NCAPH2: variants seen among roughly 807,000 people sequenced by gnomAD.
NCAPH2 encodes non-SMC condensin II complex subunit H2.
In NCAPH2, 56 loss-of-function variants were observed where a neutral mutation model predicts 88.6. The observed-to-expected ratio is 0.63, with a 90% CI of 0.51 to 0.79. The LOEUF (loss-of-function observed/expected upper bound fraction) is 0.79. Ranked by LOEUF, NCAPH2 falls within the 30% of genes least tolerant of loss-of-function variation. The pLI is 0.00. For synonymous variants in NCAPH2, 378 were observed against 313.6 expected, an observed-to-expected ratio of 1.21 and a Z score of -2.17; for missense variants, 794 against 792.0, an observed-to-expected ratio of 1.00 and a Z score of -0.03.
intron 8 of NCAPH2, 36 bp from the exon 9 acceptor site, chr22:50,519,154 T>C: frequency 6.5e-7 from 1 of 1,542,934 alleles, no homozygotes; most frequent in South Asian, 1.2e-5. Context: ...GTCTCGGCAC[T>C]CCTTGGAGCT....
chr22:50,518,519 C>T, intron 7 of NCAPH2, 130 bp from the exon 8 acceptor site: 9 of 1,090,584 alleles, frequency 8.3e-6, no homozygotes, highest in Non-Finnish European at 1.0e-5. Flanking sequence ...CTGTCTCCCC[C>T]CAGCCCAAGG....
rs200070310 is a variant in NCAPH2, at chr22:50,517,991, C to A, written c.439C>A (p.Leu147Ile). The A allele has an allele frequency of 6.2e-7, 1 of 1,613,930 alleles. No homozygotes were observed. Among genetic ancestry groups the A allele is most frequent in the East Asian group, 2.2e-5 (1 of 44,884 alleles). ...CATGCAGGAGGTCCTCATCATCCCC[C>A]TCCTGCCCATGGCCCTGGTGGCCCC... is the stretch of plus-strand genomic sequence containing the variant. ...QTPSEVLIIP[L>I]LPMALVAPDE... The change falls in exon 6 of 20, where the codon CTC becomes ATC. Residue 147 changes from leucine (L) to isoleucine (I), a missense_variant. By Grantham distance (5) the Leu-to-Ile change is conservative. Around this residue, in one of 2 missense-constraint regions of NCAPH2, gnomAD observed 735 missense variants for 696.3 expected, o/e 1.06. Transcript: ENST00000420993.
chr22:50,517,912 G>C (rs1421187621), intron 5 of NCAPH2, 61 bp from the exon 6 acceptor site: 1 of 1,603,010 alleles, frequency 6.2e-7, no homozygotes, highest in African/African-American at 1.3e-5. Flanking sequence ...GCCCCATGTG[G>C]GTCCTGTTCT....
Position 50,520,969 on chromosome 22 carries a change from C to A in NCAPH2, c.866C>A (p.Ala289Asp). Residue 289 changes from alanine (A) to aspartate (D), a missense_variant, in exon 10 of 20, where the codon GCT becomes GAT. Coordinates refer to ENST00000420993, the MANE Select transcript of NCAPH2 (RefSeq NM_152299.4). ...PKESRSPQQS[A>D]ALPRRYMLRE... ...ACCCTGTGACTGTCTTTGCAGAGTG[C>A]TGCCCTGCCCAGGAGGTACATGCTG... 6.4e-7 allele frequency: 1 copy of A among 1,550,976 alleles called. No homozygotes were observed. The highest frequency in any genetic ancestry group is 1.2e-5 in the South Asian group (1 of 84,066).
chr22:50,520,413 C>A (rs925674153), intron 9 of NCAPH2: 1 of 152,400 alleles, frequency 6.6e-6, no homozygotes, highest in Non-Finnish European at 1.5e-5. Context: ...ACCACCACAC[C>A]CGGCTAATTT....
At chr22:50,513,652 C>G (rs2068844465) in intron 1 of NCAPH2, among the ~76,000 whole-genome samples, 1 of 152,244 alleles carries the variant, frequency 6.6e-6, no homozygotes, top group African/African-American at 2.4e-5. Context: ...GTCCCAGTTA[C>G]TTGGGAGGCT....
At position 50,522,431 on chromosome 22, in the gene NCAPH2, G is replaced by T. The variant is rs1196596956; in HGVS notation, c.1306+16G>T. On this transcript the variant is annotated intron_variant, in intron 15 of 19. Coordinates refer to ENST00000420993, the MANE Select transcript of NCAPH2 (RefSeq NM_152299.4). The stretch of plus-strand genomic sequence containing the variant: ...GGGGCAGCAGGTGGGTGCCTGCCAG[G>T]GGGTGGGGTGGGGCTTGGCACCTGC... The T allele has an allele frequency of 6.2e-7, 1 of 1,612,250 alleles. No individual in the cohort carries two copies. Among genetic ancestry groups the T allele is most frequent in the Admixed American group, 1.7e-5 (1 of 59,956 alleles).
chr22:50,515,888 T>C (rs1338823161), intron 1 of NCAPH2: 5 of 961,434 alleles, frequency 5.2e-6, no homozygotes, highest in African/African-American at 3.5e-5. Flanking sequence ...TGGGGCTCAT[T>C]GGCTTATGGT....
In NCAPH2 at chr22:50,516,308, C is replaced by T. The variant is rs564962060; in HGVS notation, c.109-139C>T. The T allele has an allele frequency of 1.2e-5, 8 of 684,964 alleles. No individual in the cohort carries two copies. In the African/African-American group the frequency reaches 1.2e-4, roughly 11 times the overall value. The allele number at this position is 684,964 out of a possible 1,614,324, so 42.4% of individuals were successfully genotyped here. ...CTCTGCCCCGAAATACCAGGGACAA[C>T]CGGTGAGCCCACAGCATAGCTAGAG... On this transcript the variant is annotated intron_variant, in intron 1 of 19. Transcript: ENST00000420993.
chr22:50,508,474 TGGGCCGGCGGG>T, intron 1 of NCAPH2, 29 bp downstream of exon 1: 1 of 123,788 alleles, frequency 8.1e-6, no homozygotes, highest in Non-Finnish European at 1.4e-5. Flanking sequence ...TGACGCGGGG[TGGGCCGGCGGG>T]TGGGGCTGCG....
At chr22:50,520,325 C>T (rs1439016154) in intron 9 of NCAPH2, 1 of 152,172 alleles carries the variant, frequency 6.6e-6, no homozygotes, top group African/African-American at 2.4e-5. Context: ...GATCTTGGCT[C>T]ATTGCAGCCT....
Position 50,524,747 on chromosome 22 carries a change from T to C in NCAPH2, c.*1372T>C. On this transcript the variant is annotated 3_prime_UTR_variant, in exon 20 of 20. Transcript: ENST00000420993. ...CATGCCTTGCCTGAACTAACCACGT[T>C]ATCTATTTGCAATAAACCCATTTCT... 7.6e-6 allele frequency: 4 copies of C among 523,240 alleles called. No homozygotes were observed. Among genetic ancestry groups the C allele is most frequent in the South Asian group, 6.3e-5 (4 of 63,330 alleles). 32.4% of individuals were successfully genotyped at this position (523,240 alleles called of 1,614,324 possible). A position where few individuals can be genotyped will look rare whatever the true frequency, so the allele number is the denominator to read the frequency against.
At position 50,523,009 on chromosome 22, in the gene NCAPH2, C is replaced by T. The variant is rs373121134; in HGVS notation, c.1528-8C>T. ...TCTCCGCAGCCAACATGCCCCTCCC[C>T]TGTGCAGGAGCAGCATGTGCCCTTT... On this transcript the variant is annotated splice_region_variant and splice_polypyrimidine_tract_variant and intron_variant, in intron 18 of 19. Coordinates refer to ENST00000420993, the MANE Select transcript of NCAPH2 (RefSeq NM_152299.4). 5 of 1,604,394 alleles carry T rather than the reference C, an allele frequency of 3.1e-6. No homozygotes were observed. Among genetic ancestry groups the T allele is most frequent in the Non-Finnish European group, 4.3e-6 (5 of 1,174,186 alleles).
At chr22:50,513,452 C>T (rs1409969731) in intron 1 of NCAPH2, among the ~76,000 whole-genome samples, 1 of 152,102 alleles carries the variant, frequency 6.6e-6, no homozygotes, top group Non-Finnish European at 1.5e-5. Context: ...GCCGAGGTGG[C>T]TCACGCCTGT....
chr22:50,522,763 G>C, intron 17 of NCAPH2, 43 bp downstream of exon 17: 3 of 1,612,602 alleles, frequency 1.9e-6, no homozygotes, highest in Non-Finnish European at 2.5e-6. Flanking sequence ...AGGGGGACAG[G>C]TGAGCGGTGC....
At chr22:50,512,410 C>T (rs1167006454) in intron 1 of NCAPH2, among the ~76,000 whole-genome samples, 1 of 152,194 alleles carries the variant, frequency 6.6e-6, no homozygotes, top group African/African-American at 2.4e-5. Context: ...CAGCTCCCTT[C>T]CTGCTTTCTT....
Position 50,523,577 on chromosome 22 carries a change from GC to G in NCAPH2, c.*205del. 1 of 1,606,174 alleles carries G rather than the reference GC, an allele frequency of 6.2e-7. No homozygotes were observed. The highest frequency in any genetic ancestry group is 8.5e-7 in the Non-Finnish European group (1 of 1,175,096). On this transcript the variant is annotated 3_prime_UTR_variant, in exon 20 of 20. Coordinates refer to ENST00000420993, the MANE Select transcript of NCAPH2 (RefSeq NM_152299.4). ...CACACACACACACAGATTAAACGCA[GC>G]CCGTTTAATGATGGGGCCCAGACTG...
rs1373914337 is a variant in NCAPH2 at position 50,521,796 on chromosome 22, G to A, written c.1056G>A (p.Lys352=). Reference sequence around the variant, plus strand: ...AGGAGGCTCTGGGACAGAAGCGCAAGAGGAAGGGCGCTGCCAAGCTGCAGG... The same window carrying A: ...AGGAGGCTCTGGGACAGAAGCGCAAAAGGAAGGGCGCTGCCAAGCTGCAGG... The part of the protein sequence containing the change: ...CVEEALGQKR[K]RKGAAKLQDF... The change falls in exon 12 of 20, where the codon AAG becomes AAA. Residue 352 remains lysine, a synonymous_variant. Coordinates refer to ENST00000420993, the MANE Select transcript of NCAPH2 (RefSeq NM_152299.4). 3 of 1,613,966 alleles carry A rather than the reference G, an allele frequency of 1.9e-6. No individual in the cohort carries two copies. In the South Asian group the frequency reaches 3.3e-5, roughly 18 times the overall value.
rs1427174748 is a variant in NCAPH2, at chr22:50,516,444, C to A, written c.109-3C>A. ...CCCCCTGTCTTTGTGTTGTTTCTTG[C>A]AGCTGGATCAGATCTGCATTTCTTT... On this transcript the variant is annotated splice_region_variant and splice_polypyrimidine_tract_variant and intron_variant, in intron 1 of 19. Transcript: ENST00000420993. The A allele has an allele frequency of 6.2e-7, 1 of 1,613,964 alleles. No individual in the cohort carries two copies. Among genetic ancestry groups the A allele is most frequent in the South Asian group, 1.1e-5 (1 of 91,084 alleles).
Sources: gnomAD v4.1 joint callset for allele counts (sites outside exome capture counted in the v4.1 genomes callset) on GRCh38, gnomAD v4.1.1 for gene constraint, gnomAD v4.1.1 regional missense constraint, MANE v1.5 for transcripts, NCBI Gene and HGNC (gene_info 2026-07-23, HGNC 2026-07-21) for gene names.